TMEM41A: variants seen among roughly 807,000 people sequenced by gnomAD.
TMEM41A encodes transmembrane protein 41A.
Under a neutral mutation model 25.7 loss-of-function variants are expected in TMEM41A, and 20 were observed. The ratio of observed to expected loss-of-function variants is 0.78; its 90% CI spans 0.55 to 1.13. The LOEUF (loss-of-function observed/expected upper bound fraction) is 1.13, where lower values mean the gene tolerates loss of function less well. Among genes scored for constraint, TMEM41A ranks in the 50% most tolerant of loss-of-function variants. TMEM41A has a pLI of 0.00. For synonymous variants in TMEM41A, 133 were observed against 139.6 expected (o/e 0.95, Z 0.33); for missense variants, 299 against 314.3 (o/e 0.95, Z 0.37).
In TMEM41A at chr3:185,495,231, A is replaced by G. The variant is rs1560147639; in HGVS notation, c.358T>C (p.Tyr120His). Reference protein sequence around the residue: ...VLTSVGATCCYLLSSIFGKQL... With the variant: ...VLTSVGATCCHLLSSIFGKQL... ...TTGCCAAAAATACTGGAGAGCAGGT[A>G]GCAGCATGTGGCACCCACCGAGGTC... Residue 120 changes from tyrosine (Y) to histidine (H), a missense_variant, in exon 3 of 5, where the codon TAC becomes CAC. Physicochemically the swap from Tyr to His is moderately conservative, Grantham distance 83 (BLOSUM62 2). Coordinates refer to ENST00000421852, the MANE Select transcript of TMEM41A (RefSeq NM_080652.4). 6.4e-7 allele frequency: 1 copy of G among 1,568,544 alleles called. No individual in the cohort carries two copies. Among genetic ancestry groups the G allele is most frequent in the Non-Finnish European group, 8.6e-7 (1 of 1,157,360 alleles).
chr3:185,495,607 C>T (rs566896926), intron 2 of TMEM41A: 1 of 375,768 alleles, frequency 2.7e-6, no homozygotes, highest in African/African-American at 2.0e-5. Context: ...CATTCACCCA[C>T]TTTTTAAAAT....
intron 3 of TMEM41A, 168 bp from the exon 4 acceptor site, chr3:185,494,929 G>T (rs1719057977): frequency 2.0e-6 from 2 of 1,007,726 alleles, no homozygotes; most frequent in African/African-American, 1.6e-5. Context: ...GACATGCTGA[G>T]GATCAGAGAA....
At chr3:185,495,065 T>C (rs1577650757) in intron 3 of TMEM41A, 89 bp downstream of exon 3, 1 of 1,485,636 alleles carries the variant, frequency 6.7e-7, no homozygotes, top group Non-Finnish European at 9.2e-7. Flanking sequence ...AAGAGTACTG[T>C]GGGAAATCCC....
Position 185,496,865 on chromosome 3 carries a change from T to C in TMEM41A, c.236A>G (p.Tyr79Cys). 1 of 1,608,114 alleles carries C rather than the reference T, an allele frequency of 6.2e-7. No individual in the cohort carries two copies. Among genetic ancestry groups the C allele is most frequent in the Middle Eastern group, 1.7e-4 (1 of 6,036 alleles). Residue 79 changes from tyrosine (Y) to cysteine (C), a missense_variant, in exon 2 of 5, where the codon TAC (tyrosine) becomes TGC (cysteine). Physicochemically the swap from Tyr to Cys is radical, Grantham distance 194. Coordinates refer to ENST00000421852, the MANE Select transcript of TMEM41A (RefSeq NM_080652.4). ...GCCGGGGATGGCAAAGCCCTGTTTG[T>C]AGAGGTAGGCGCCGCAGAAGAGCAG... ...VFLLFCGAYL[Y>C]KQGFAIPGSS...
chr3:185,498,082 C>CT (rs1719157422), intron 1 of TMEM41A, among the ~76,000 whole-genome samples: 1 of 87,478 alleles, frequency 1.1e-5, no homozygotes, highest in Admixed American at 1.1e-4. Flanking sequence ...CATAATGAGA[C>CT]CCCCCCCCCG....
At chr3:185,498,220 G>A (rs1396028393) in intron 1 of TMEM41A, among the ~76,000 whole-genome samples, 2 of 149,216 alleles carry the variant, frequency 1.3e-5, no homozygotes, top group Admixed American at 6.7e-5. Context: ...AGCCGAGATC[G>A]CGCCACTGCA....
chr3:185,489,850 C>A lies in TMEM41A; in HGVS notation c.*1687G>T, dbSNP rs1288192848. 2 of 152,200 alleles carry A rather than the reference C, an allele frequency of 1.3e-5. No individual in the cohort carries two copies. Among genetic ancestry groups the A allele is most frequent in the African/African-American group, 4.8e-5 (2 of 41,442 alleles). 9.4% of individuals were successfully genotyped at this position (152,200 alleles called of 1,614,324 possible). On this transcript the variant is annotated 3_prime_UTR_variant, in exon 5 of 5. Transcript: ENST00000421852. ...TCCCCCACTCTCGTTATCAAGGCTT[C>A]TTTTAAAGAAACACGTTTTAAACAA... is the stretch of plus-strand genomic sequence containing the variant.
chr3:185,497,425 T>G, intron 1 of TMEM41A, among the ~76,000 whole-genome samples: 1 of 152,316 alleles, frequency 6.6e-6, no homozygotes, highest in Non-Finnish European at 1.5e-5. Context: ...CAAGAACAAT[T>G]CAGACTTCAA....
At chr3:185,498,715 C>A in intron 1 of TMEM41A, 128 bp downstream of exon 1, 1 of 711,582 alleles carries the variant, frequency 1.4e-6, no homozygotes, top group East Asian at 2.9e-5. Context: ...GATTCCAGTC[C>A]GATAAGTGAA....
intron 1 of TMEM41A, among the ~76,000 whole-genome samples, chr3:185,497,808 C>T (rs577078355): frequency 4.9e-4 from 74 of 152,348 alleles, no homozygotes; most frequent in African/African-American, 1.6e-3. Flanking sequence ...TAACTGAAAA[C>T]AGCTGCCTTA....
rs1577648048 is a variant in TMEM41A at position 185,491,466 on chromosome 3, G to A, written c.*71C>T. The A allele has an allele frequency of 4.0e-6, 5 of 1,250,582 alleles. No homozygotes were observed. The highest frequency in any genetic ancestry group is 4.6e-5 in the East Asian group (2 of 43,076). 77.5% of individuals were successfully genotyped at this position (1,250,582 alleles called of 1,614,324 possible). A position where few individuals can be genotyped will look rare whatever the true frequency, so the allele number is the denominator to read the frequency against. ...AGAAGGCAATCAAAAACAATGAGGG[G>A]CTTTAGAGGACCACATCCATTACAC... On this transcript the variant is annotated 3_prime_UTR_variant, in exon 5 of 5. Transcript: ENST00000421852.
rs900075489 is a variant in TMEM41A, at chr3:185,490,695, T to C, written c.*842A>G. The C allele has an allele frequency of 2.6e-5, 4 of 152,208 alleles. No homozygotes were observed. The highest frequency in any genetic ancestry group is 7.2e-5 in the African/African-American group (3 of 41,440). 9.4% of individuals were successfully genotyped at this position (152,208 alleles called of 1,614,324 possible). A position where few individuals can be genotyped will look rare whatever the true frequency, so the allele number is the denominator to read the frequency against. ...TCGTCAACTTGTTTCACTTGGCTTATGAAGAGGTAGGTCATCAGCAAAGAA... is the reference window on the plus strand; with the variant it reads ...TCGTCAACTTGTTTCACTTGGCTTACGAAGAGGTAGGTCATCAGCAAAGAA... On this transcript the variant is annotated 3_prime_UTR_variant, in exon 5 of 5. Transcript: ENST00000421852.
At chr3:185,495,936 T>C (rs556814354) in intron 2 of TMEM41A, 1 of 153,058 alleles carries the variant, frequency 6.5e-6, no homozygotes, top group East Asian at 1.9e-4. Flanking sequence ...AACTCACGAG[T>C]TATTTTTACT....
At chr3:185,498,740 G>T in intron 1 of TMEM41A, 103 bp downstream of exon 1, 1 of 845,350 alleles carries the variant, frequency 1.2e-6, no homozygotes, top group Admixed American at 3.0e-5. Context: ...AATTCCCAAC[G>T]CCTCCGATAC....
intron 4 of TMEM41A, chr3:185,493,876 T>C (rs1312521692): frequency 6.6e-6 from 1 of 152,208 alleles, no homozygotes; most frequent in Non-Finnish European, 1.5e-5. Flanking sequence ...AGGCGATTCT[T>C]AATAGGTTTG....
chr3:185,497,041 GT>G (rs1467998455), intron 1 of TMEM41A, 60 bp from the exon 2 acceptor site: 3 of 1,528,008 alleles, frequency 2.0e-6, no homozygotes, highest in African/African-American at 2.7e-5. Flanking sequence ...GCCCATGAAA[GT>G]CACTCGCTGT....
At chr3:185,493,424 TAA>T (rs1719014239) in intron 4 of TMEM41A, 1 of 152,250 alleles carries the variant, frequency 6.6e-6, no homozygotes. Context: ...TGGAAAATGT[TAA>T]AAGATCCTGA....
intron 1 of TMEM41A, 33 bp from the exon 2 acceptor site, chr3:185,497,014 G>A: frequency 1.3e-6 from 2 of 1,570,496 alleles, no homozygotes; most frequent in South Asian, 2.3e-5. Flanking sequence ...GGAAACATGA[G>A]TTCAGATCAG....
chr3:185,489,991 T>G lies in TMEM41A; in HGVS notation c.*1546A>C, dbSNP rs549495003. The G allele has an allele frequency of 2.0e-5, 3 of 152,334 alleles. No individual in the cohort carries two copies. The highest frequency in any genetic ancestry group is 4.1e-4 in the South Asian group (2 of 4,826). 9.4% of individuals were successfully genotyped at this position (152,334 alleles called of 1,614,324 possible). A position where few individuals can be genotyped will look rare whatever the true frequency, so the allele number is the denominator to read the frequency against. ...ATTCATGTAGAACAAGAGGCATAGATTAAAGTCTTGGCAAGACTCTTGGCC... is the reference window on the plus strand; with the variant it reads ...ATTCATGTAGAACAAGAGGCATAGAGTAAAGTCTTGGCAAGACTCTTGGCC... On this transcript the variant is annotated 3_prime_UTR_variant, in exon 5 of 5. Coordinates refer to ENST00000421852, the MANE Select transcript of TMEM41A (RefSeq NM_080652.4).
Sources: gnomAD v4.1 joint callset for allele counts (sites outside exome capture counted in the v4.1 genomes callset) on GRCh38, gnomAD v4.1.1 for gene constraint, MANE v1.5 for transcripts, NCBI Gene and HGNC (gene_info 2026-07-23, HGNC 2026-07-21) for gene names.